The following BZW2 variants were observed in gnomAD, a reference collection of about 807,000 sequenced individuals.
The protein encoded by BZW2 is eIF5-mimic protein 1.
BZW2 carries 23 observed loss-of-function variants against 53.2 expected under a neutral mutation model. The observed-to-expected ratio is 0.43, with a 90% CI of 0.31 to 0.61. The LOEUF is 0.61. Ranked by LOEUF, BZW2 falls within the 20% of genes least tolerant of loss-of-function variation. BZW2 has a pLI of 0.09. For missense variants in BZW2, 409 were observed against 503.1 expected (o/e 0.81, Z 1.79); for synonymous variants, 227 against 186.4 (o/e 1.22, Z -1.77).
intron 1 of BZW2, among the ~76,000 whole-genome samples, chr7:16,652,750 C>CCTGA (rs1782018880): frequency 1.3e-5 from 2 of 152,188 alleles, no homozygotes; most frequent in Non-Finnish European, 2.9e-5. Context: ...GTTTCGAACA[C>CCTGA]CTGACCTCAG....
At chr7:16,657,744 A>C (rs558228019) in intron 1 of BZW2, among the ~76,000 whole-genome samples, 38 of 152,122 alleles carry the variant, frequency 2.5e-4, no homozygotes, top group Non-Finnish European at 5.0e-4. Context: ...TCAATAAAAT[A>C]TGTGCTTAGT....
At chr7:16,694,552 A>G (rs562990876) in intron 7 of BZW2, among the ~76,000 whole-genome samples, 1 of 152,284 alleles carries the variant, frequency 6.6e-6, no homozygotes, top group African/African-American at 2.4e-5. Context: ...CAGAGCCCTT[A>G]TAATCCAGTA....
At chr7:16,704,742 C>T in intron 11 of BZW2, 73 bp downstream of exon 11, 2 of 1,353,444 alleles carry the variant, frequency 1.5e-6, no homozygotes, top group Non-Finnish European at 1.9e-6. Context: ...TTACCTCTTC[C>T]ACAGATTTTA....
chr7:16,695,804 A>C (rs2128367990), intron 8 of BZW2: 1 of 152,340 alleles, frequency 6.6e-6, no homozygotes, highest in South Asian at 2.1e-4. Context: ...AGCCTGGAGA[A>C]TGTAGGACTG....
intron 1 of BZW2, 37 bp from the exon 2 acceptor site, chr7:16,665,400 A>C: frequency 1.2e-6 from 2 of 1,613,144 alleles, no homozygotes; most frequent in Non-Finnish European, 1.7e-6. Flanking sequence ...TAAACTGCTT[A>C]TCTGAAATAC....
At chr7:16,682,707 T>C (rs1782986590) in intron 4 of BZW2, 73 bp from the exon 5 acceptor site, 3 of 856,060 alleles carry the variant, frequency 3.5e-6, no homozygotes, top group Non-Finnish European at 5.4e-6. Flanking sequence ...ATGGTGTCAT[T>C]ATAGTGAGTT....
At chr7:16,657,377 A>G (rs1782149307) in intron 1 of BZW2, among the ~76,000 whole-genome samples, 1 of 152,154 alleles carries the variant, frequency 6.6e-6, no homozygotes, top group Admixed American at 6.5e-5. Context: ...TGTTTTCTCA[A>G]AGTCATAGAA....
intron 7 of BZW2, 95 bp from the exon 8 acceptor site, chr7:16,694,739 T>A (rs1248811343): frequency 9.8e-7 from 1 of 1,018,792 alleles, no homozygotes; most frequent in African/African-American, 1.6e-5. Context: ...TTCTTCCAAA[T>A]GTGAGATATT....
chr7:16,658,631 C>T (rs1234368042), intron 1 of BZW2, among the ~76,000 whole-genome samples: 4 of 152,088 alleles, frequency 2.6e-5, no homozygotes, highest in African/African-American at 9.6e-5. Context: ...AATCCCAGCA[C>T]TTTGGGAGGC....
At chr7:16,683,298 G>A (rs530555674) in intron 5 of BZW2, among the ~76,000 whole-genome samples, 4 of 152,330 alleles carry the variant, frequency 2.6e-5, no homozygotes, top group African/African-American at 9.6e-5. Flanking sequence ...TTTAATACAT[G>A]TTTGGTAAAT....
chr7:16,701,394 A>G (rs1222716668), intron 10 of BZW2, among the ~76,000 whole-genome samples: 8 of 152,136 alleles, frequency 5.3e-5, no homozygotes. Context: ...TTTAGGTTAA[A>G]TTCTATCCTG....
chr7:16,686,931 A>T (rs977669226), intron 6 of BZW2: 1 of 152,192 alleles, frequency 6.6e-6, no homozygotes, highest in East Asian at 1.9e-4. Flanking sequence ...TATTAGTATT[A>T]TGACATTTTA....
chr7:16,705,501 C>T (rs1490792677), intron 11 of BZW2, among the ~76,000 whole-genome samples: 6 of 151,868 alleles, frequency 4.0e-5, no homozygotes, highest in Non-Finnish European at 8.8e-5. Context: ...TTGCCTAACA[C>T]AGTGAAACCG....
chr7:16,690,018 A>G (rs1284736388), intron 7 of BZW2, 112 bp downstream of exon 7: 2 of 630,118 alleles, frequency 3.2e-6, no homozygotes, highest in Non-Finnish European at 4.9e-6. Flanking sequence ...GACTTGGAGC[A>G]CTGTTCCTTT....
At chr7:16,667,990 T>C (rs754737898) in intron 2 of BZW2, among the ~76,000 whole-genome samples, 2 of 152,242 alleles carry the variant, frequency 1.3e-5, no homozygotes, top group Non-Finnish European at 2.9e-5. Context: ...CATGGATGAT[T>C]TTAAAAGGAT....
At chr7:16,680,121 G>A (rs1191980917) in intron 3 of BZW2, among the ~76,000 whole-genome samples, 1 of 152,060 alleles carries the variant, frequency 6.6e-6, no homozygotes, top group Non-Finnish European at 1.5e-5. Flanking sequence ...TGGGTAACTG[G>A]GTTAGCAAAG....
intron 6 of BZW2, 167 bp downstream of exon 6, chr7:16,686,207 T>C: frequency 2.8e-6 from 3 of 1,087,118 alleles, no homozygotes; most frequent in South Asian, 1.5e-5. Context: ...ATAAAAGGAG[T>C]GGACTTGTTA....
chr7:16,705,541 C>T (rs1367978277), intron 11 of BZW2, among the ~76,000 whole-genome samples: 4 of 151,080 alleles, frequency 2.6e-5, no homozygotes, highest in South Asian at 2.1e-4. Flanking sequence ...AAAAATTAGC[C>T]GGGCATGGTG....
intron 3 of BZW2, 45 bp downstream of exon 3, chr7:16,674,633 T>C: frequency 1.4e-6 from 2 of 1,387,374 alleles, no homozygotes; most frequent in South Asian, 1.9e-5. Flanking sequence ...TATATATTTT[T>C]AATTCTGTTG....
Sources: gnomAD v4.1 joint callset for allele counts (sites outside exome capture counted in the v4.1 genomes callset) on GRCh38, gnomAD v4.1.1 for gene constraint, MANE v1.5 for transcripts, NCBI Gene and HGNC (gene_info 2026-07-23, HGNC 2026-07-21) for gene names.